The following NEMP2 variants were observed in gnomAD, a reference collection of about 807,000 sequenced individuals.
NEMP2 encodes the protein UPF0571 transmembrane protein.
NEMP2 carries 53 observed loss-of-function variants against 54.2 expected under a neutral mutation model. That is an observed-to-expected ratio of 0.98 (90% CI 0.78 to 1.23). NEMP2 has a LOEUF of 1.23. NEMP2 is among the 50% of genes most tolerant of loss of function. The probability of loss-of-function intolerance (pLI) is 0.00; values close to 1 mark genes in which losing one functional copy is unlikely to be tolerated. For missense variants in NEMP2, 455 were observed against 511.3 expected (o/e 0.89, Z 1.06); for synonymous variants, 197 against 190.3 (o/e 1.04, Z -0.29).
the NEMP2 span, among the ~76,000 whole-genome samples, chr2:190,482,868 C>CTTTTTTTTTTTTTTTTTT: frequency 8.3e-5 from 4 of 48,292 alleles, 1 homozygote; most frequent in East Asian, 7.0e-4. Flanking sequence ...AGACTATCAT[C>CTTTTTTTTTTTTTTTTTT]TTTTTTTTTT....
chr2:190,629,167 G>A, the NEMP2 span, among the ~76,000 whole-genome samples: 1 of 152,292 alleles, frequency 6.6e-6, no homozygotes, highest in African/African-American at 2.4e-5. Context: ...CTCTGCACCA[G>A]GTCAAATGCT....
chr2:190,497,985 T>A, the NEMP2 span: 36 of 314,504 alleles, frequency 1.1e-4, no homozygotes, highest in East Asian at 1.9e-3. The surrounding 1 kb of genome is among the most constrained non-coding windows in gnomAD (Gnocchi z 5.2). Flanking sequence ...ATAAAATAAA[T>A]TAATCCATTC....
At position 190,510,757 on chromosome 2, in the gene NEMP2, T is replaced by C; in HGVS notation, c.954-220A>G. On this transcript the variant is annotated intron_variant, in intron 7 of 8. Coordinates refer to ENST00000409150, the MANE Select transcript of NEMP2 (RefSeq NM_001142645.2). The surrounding 1 kb of genome is among the most constrained non-coding windows in gnomAD (Gnocchi z 5.7). The stretch of plus-strand genomic sequence containing the variant: ...TTAGCTGAGCATGGTGGTGGTCGCC[T>C]GTAGTCCCAGCTACTTGGGAGGCTG... 6.6e-6 allele frequency among the ~76,000 whole-genome samples: 1 copy of C among 151,904 alleles called. No individual in the cohort carries two copies. The highest frequency in any genetic ancestry group is 2.1e-4 in the South Asian group (1 of 4,796).
Position 190,519,223 on chromosome 2 carries a change from T to C in NEMP2, c.214-40A>G. Reference sequence around the variant, plus strand: ...CAAGCAAATCCATAAACAGAATAACTTCTCTTTTTTGTTTTGGAGACAGGG... The same window carrying C: ...CAAGCAAATCCATAAACAGAATAACCTCTCTTTTTTGTTTTGGAGACAGGG... On this transcript the variant is annotated intron_variant, in intron 2 of 8. Transcript: ENST00000409150. This position sits in a 1 kb window ranked among gnomAD's most constrained non-coding sequence, Gnocchi z 5.4. 7.2e-7 allele frequency: 1 copy of C among 1,396,940 alleles called. No homozygotes were observed. Among genetic ancestry groups the C allele is most frequent in the Non-Finnish European group, 9.8e-7 (1 of 1,021,840 alleles). The allele number at this position is 1,396,940 out of a possible 1,614,324, so 86.5% of individuals were successfully genotyped here.
At chr2:190,544,692 T>C in the NEMP2 span, among the ~76,000 whole-genome samples, 3 of 152,086 alleles carry the variant, frequency 2.0e-5, no homozygotes, top group Non-Finnish European at 4.4e-5. Context: ...AATAGTATAA[T>C]CAGTTAATCT....
At chr2:190,593,321 A>G in the NEMP2 span, among the ~76,000 whole-genome samples, 3 of 152,230 alleles carry the variant, frequency 2.0e-5, no homozygotes, top group African/African-American at 7.2e-5. This position sits in a 1 kb window ranked among gnomAD's most constrained non-coding sequence, Gnocchi z 4.5. Flanking sequence ...AGTTCATTTT[A>G]TCATGTGATA....
the NEMP2 span, among the ~76,000 whole-genome samples, chr2:190,598,602 G>A: frequency 6.6e-6 from 1 of 152,144 alleles, no homozygotes; most frequent in African/African-American, 2.4e-5. Flanking sequence ...ACTACTTTGA[G>A]GCATTGCTGA....
At chr2:190,584,948 A>C in the NEMP2 span, among the ~76,000 whole-genome samples, 1 of 143,186 alleles carries the variant, frequency 7.0e-6, no homozygotes, top group Non-Finnish European at 1.6e-5. The surrounding 1 kb of genome is among the most constrained non-coding windows in gnomAD (Gnocchi z 4.2). Context: ...AGAAAGAAAG[A>C]AAGAAAGAAA....
At chr2:190,468,008 C>T in the NEMP2 span, among the ~76,000 whole-genome samples, 1 of 152,176 alleles carries the variant, frequency 6.6e-6, no homozygotes, top group Non-Finnish European at 1.5e-5. Flanking sequence ...TAAAGAGAGG[C>T]CACCCACAGG....
chr2:190,444,364 G>A, the NEMP2 span, among the ~76,000 whole-genome samples: 2 of 152,164 alleles, frequency 1.3e-5, no homozygotes, highest in Non-Finnish European at 2.9e-5. Flanking sequence ...AATCCTGCCA[G>A]CCAACTTATA....
At chr2:190,561,697 G>A in the NEMP2 span, among the ~76,000 whole-genome samples, 1 of 152,124 alleles carries the variant, frequency 6.6e-6, no homozygotes, top group Non-Finnish European at 1.5e-5. This position sits in a 1 kb window ranked among gnomAD's most constrained non-coding sequence, Gnocchi z 5.4. Context: ...GGTAGGAAGA[G>A]TTCAGTCCAT....
At chr2:190,571,270 C>T in the NEMP2 span, among the ~76,000 whole-genome samples, 2 of 152,150 alleles carry the variant, frequency 1.3e-5, no homozygotes, top group Admixed American at 1.3e-4. Context: ...TGGCCAGGCA[C>T]GGTGGCTCAC....
At chr2:190,575,527 ATAAAG>A in the NEMP2 span, among the ~76,000 whole-genome samples, 1 of 152,188 alleles carries the variant, frequency 6.6e-6, no homozygotes, top group African/African-American at 2.4e-5. Context: ...TTCTGATAAT[ATAAAG>A]TAGTCAAATA....
the NEMP2 span, among the ~76,000 whole-genome samples, chr2:190,604,512 C>T: frequency 1.3e-5 from 2 of 152,248 alleles, no homozygotes; most frequent in South Asian, 2.1e-4. The surrounding 1 kb of genome is among the most constrained non-coding windows in gnomAD (Gnocchi z 4.5). Context: ...AGCCCAGTGC[C>T]GTTGGGAGTT....
the NEMP2 span, among the ~76,000 whole-genome samples, chr2:190,435,661 G>A: frequency 3.9e-5 from 6 of 152,294 alleles, no homozygotes; most frequent in South Asian, 1.0e-3. Context: ...TCAACTCTCT[G>A]TGTTTGGTTT....
the NEMP2 span, among the ~76,000 whole-genome samples, chr2:190,592,125 T>C: frequency 6.6e-6 from 1 of 152,056 alleles, no homozygotes; most frequent in Non-Finnish European, 1.5e-5. The surrounding 1 kb of genome is among the most constrained non-coding windows in gnomAD (Gnocchi z 4.4). Flanking sequence ...CCCCCAGAGG[T>C]GCAGGGGGGA....
At chr2:190,462,215 G>T in the NEMP2 span, among the ~76,000 whole-genome samples, 279 of 152,190 alleles carry the variant, frequency 1.8e-3, no homozygotes, top group African/African-American at 5.7e-3. The surrounding 1 kb of genome is among the most constrained non-coding windows in gnomAD (Gnocchi z 5.7). Flanking sequence ...ATGGAGAAAT[G>T]GGAACAGAAT....
chr2:190,585,060 G>A, the NEMP2 span, among the ~76,000 whole-genome samples: 1 of 152,210 alleles, frequency 6.6e-6, no homozygotes, highest in East Asian at 1.9e-4. This position sits in a 1 kb window ranked among gnomAD's most constrained non-coding sequence, Gnocchi z 5.3. Context: ...GAGATTTGCT[G>A]TGTTCAGTCC....
the NEMP2 span, among the ~76,000 whole-genome samples, chr2:190,614,483 AACATGCAC>A: frequency 2.8e-4 from 42 of 152,322 alleles, no homozygotes; most frequent in African/African-American, 9.4e-4. The surrounding 1 kb of genome is among the most constrained non-coding windows in gnomAD (Gnocchi z 5.7). Context: ...TTTAAATACA[AACATGCAC>A]ACATACACAC....
Sources: allele counts gnomAD v4.1 joint callset (sites outside exome capture counted in the v4.1 genomes callset), GRCh38; gene constraint gnomAD v4.1.1; non-coding constraint Gnocchi (gnomAD v3.1); transcripts MANE v1.5; gene names NCBI Gene and HGNC (gene_info 2026-07-23, HGNC 2026-07-21).